Variants in CPA6 observed in about 807,000 individuals in gnomAD.
CPA6 encodes carboxypeptidase A6.
A neutral mutation model predicts 63.3 loss-of-function variants in CPA6; 58 were observed. That is an observed-to-expected ratio of 0.92 (90% confidence interval 0.74 to 1.14). The LOEUF (loss-of-function observed/expected upper bound fraction) is 1.14, where lower values mean the gene tolerates loss of function less well. Ranked by LOEUF, CPA6 falls within the 50% of genes most tolerant of loss-of-function variation. The probability of loss-of-function intolerance (pLI) is 0.00; values close to 1 mark genes in which losing one functional copy is unlikely to be tolerated. For synonymous variants in CPA6, 185 were observed against 179.0 expected (o/e 1.03, Z -0.27); for missense variants, 565 against 526.6 (o/e 1.07, Z -0.71).
chr8:67,634,367 C>G (rs1407860515), intron 1 of CPA6, among the ~76,000 whole-genome samples: 1 of 150,722 alleles, frequency 6.6e-6, no homozygotes. Context: ...TACAGGCGCC[C>G]GCTACCACGC....
At chr8:67,571,596 A>G (rs149788976) in intron 2 of CPA6, among the ~76,000 whole-genome samples, 130 of 152,336 alleles carry the variant, frequency 8.5e-4, no homozygotes, top group African/African-American at 3.0e-3. Flanking sequence ...CTACTTAGCA[A>G]TGAAGGTCAA....
intron 8 of CPA6, among the ~76,000 whole-genome samples, chr8:67,453,545 G>A (rs1237248202): frequency 6.6e-6 from 1 of 152,078 alleles, no homozygotes; most frequent in Non-Finnish European, 1.5e-5. Context: ...GGAGATTTGG[G>A]GGTCATAGGC....
intron 2 of CPA6, among the ~76,000 whole-genome samples, chr8:67,604,776 TTTTG>T (rs375360699): frequency 6.6e-6 from 1 of 152,044 alleles, no homozygotes; most frequent in Admixed American, 6.5e-5. Flanking sequence ...CAACTTTGCG[TTTTG>T]TTTGTTTGTT....
intron 8 of CPA6, among the ~76,000 whole-genome samples, chr8:67,456,442 T>G (rs1046766253): frequency 1.3e-5 from 2 of 152,188 alleles, no homozygotes; most frequent in Non-Finnish European, 2.9e-5. Flanking sequence ...TTCAATACAC[T>G]CAACCTAACT....
chr8:67,658,787 G>T lies in CPA6; in HGVS notation c.117-34536C>A, dbSNP rs545385971. ...AGAAAGTGAGGTCCTGTCTTTGAAAGTTCCTTCTTTTTCAACCCAACATCT... is the reference window on the plus strand; with the variant it reads ...AGAAAGTGAGGTCCTGTCTTTGAAATTTCCTTCTTTTTCAACCCAACATCT... On this transcript the variant is annotated intron_variant, in intron 1 of 10. Transcript: ENST00000297770. Among the ~76,000 whole-genome samples the T allele has an allele frequency of 1.8e-4, 27 of 152,186 alleles. 1 individual carries two copies. Among genetic ancestry groups the T allele is most frequent in the Admixed American group, 1.4e-3 (22 of 15,282 alleles).
chr8:67,740,415 G>T (rs186135431), intron 1 of CPA6, among the ~76,000 whole-genome samples: 25 of 152,166 alleles, frequency 1.6e-4, no homozygotes, highest in Non-Finnish European at 3.4e-4. Context: ...AGACAAAGGT[G>T]GGGGAATAGC....
At chr8:67,586,011 C>T (rs753467653) in intron 2 of CPA6, among the ~76,000 whole-genome samples, 1 of 152,026 alleles carries the variant, frequency 6.6e-6, no homozygotes, top group Non-Finnish European at 1.5e-5. Context: ...GAAGTGAGTC[C>T]ATAAGCAATT....
chr8:67,586,430 A>G (rs1813937951), intron 2 of CPA6, among the ~76,000 whole-genome samples: 1 of 152,180 alleles, frequency 6.6e-6, no homozygotes, highest in Non-Finnish European at 1.5e-5. Flanking sequence ...GGTAGTAAGT[A>G]TTATTACTAC....
At chr8:67,705,086 C>T (rs1466452250) in intron 1 of CPA6, among the ~76,000 whole-genome samples, 1 of 152,166 alleles carries the variant, frequency 6.6e-6, no homozygotes, top group East Asian at 1.9e-4. Context: ...CAGGTTGCCC[C>T]AGAATACCCT....
At chr8:67,602,283 G>A (rs1245913119) in intron 2 of CPA6, among the ~76,000 whole-genome samples, 3 of 152,102 alleles carry the variant, frequency 2.0e-5, no homozygotes, top group Non-Finnish European at 4.4e-5. Context: ...GATTTGTGTA[G>A]AATACCTCTG....
intron 1 of CPA6, among the ~76,000 whole-genome samples, chr8:67,674,496 A>G (rs1816423666): frequency 6.6e-6 from 1 of 152,184 alleles, no homozygotes; most frequent in African/African-American, 2.4e-5. Context: ...TTGTGGATTT[A>G]CTGAAAAATT....
chr8:67,714,787 A>G (rs2129000841), intron 1 of CPA6, among the ~76,000 whole-genome samples: 1 of 152,346 alleles, frequency 6.6e-6, no homozygotes, highest in Admixed American at 6.5e-5. Flanking sequence ...TTGTAGAAAC[A>G]GGAGTCATAA....
At position 67,746,117 on chromosome 8, in the gene CPA6, C is replaced by G. The variant is rs765895994; in HGVS notation, c.13G>C (p.Gly5Arg). The G allele has an allele frequency of 3.7e-6, 6 of 1,612,902 alleles. No individual in the cohort carries two copies. The African/African-American group carries it at 6.7e-5, about 18-fold the overall frequency. The change falls in exon 1 of 11, where the codon GGG becomes CGG. Residue 5 changes from glycine to arginine, a missense_variant. By Grantham distance (125) the Gly-to-Arg change is moderately radical. Transcript: ENST00000297770. ...GCAGCTGCCTGGCCCCTGCGCTTCC[C>G]GAGACACTTCATAGTGTTAAGAAGA... MKCLGKRRGQAAAFL... is the reference protein window; with the variant it reads MKCLRKRRGQAAAFL...
intron 1 of CPA6, among the ~76,000 whole-genome samples, chr8:67,659,384 A>G (rs1306582649): frequency 6.6e-6 from 1 of 152,250 alleles, no homozygotes; most frequent in Middle Eastern, 3.2e-3. Context: ...GTAACTCAGC[A>G]CTACACGTAA....
At chr8:67,423,175 C>A (rs1413738663) in intron 10 of CPA6, among the ~76,000 whole-genome samples, 4 of 152,170 alleles carry the variant, frequency 2.6e-5, no homozygotes, top group African/African-American at 4.8e-5. Flanking sequence ...ACCTCCGCCT[C>A]CTGGGTTCAA....
At chr8:67,671,581 A>G (rs1186992385) in intron 1 of CPA6, among the ~76,000 whole-genome samples, 2 of 152,216 alleles carry the variant, frequency 1.3e-5, no homozygotes, top group Non-Finnish European at 2.9e-5. Context: ...CAGCTCTGCT[A>G]CTTGACTAAA....
intron 1 of CPA6, among the ~76,000 whole-genome samples, chr8:67,631,788 C>T (rs528500788): frequency 6.6e-6 from 1 of 152,312 alleles, no homozygotes; most frequent in East Asian, 1.9e-4. Context: ...CAGCTTCACT[C>T]CTGTGGCCAG....
intron 6 of CPA6, among the ~76,000 whole-genome samples, chr8:67,505,558 T>C (rs1045061599): frequency 1.5e-4 from 23 of 152,338 alleles, no homozygotes; most frequent in African/African-American, 5.5e-4. Flanking sequence ...TTGATATGTA[T>C]ACATTGGGTA....
At chr8:67,527,643 C>A (rs1812392731) in intron 2 of CPA6, among the ~76,000 whole-genome samples, 1 of 152,090 alleles carries the variant, frequency 6.6e-6, no homozygotes, top group African/African-American at 2.4e-5. Flanking sequence ...TCAAGTTCAC[C>A]CATATTTTTC....
Sources: gnomAD v4.1 joint callset for allele counts (sites outside exome capture counted in the v4.1 genomes callset) on GRCh38, gnomAD v4.1.1 for gene constraint, MANE v1.5 for transcripts, NCBI Gene and HGNC (gene_info 2026-07-23, HGNC 2026-07-21) for gene names.